The following QSOX1 variants were observed in gnomAD, a reference collection of about 807,000 sequenced individuals.
QSOX1 encodes quiescin sulfhydryl oxidase 1, also known as sulfhydryl oxidase 1.
QSOX1 carries 40 observed loss-of-function variants against 76.1 expected under a neutral mutation model. The ratio of observed to expected loss-of-function variants is 0.53; its 90% CI spans 0.41 to 0.68. The LOEUF (loss-of-function observed/expected upper bound fraction) is 0.68, where lower values mean the gene tolerates loss of function less well. QSOX1 is among the 30% of genes least tolerant of loss of function. The pLI is 0.00. For missense variants in QSOX1, 931 were observed against 974.3 expected, an observed-to-expected ratio of 0.96 and a Z score of 0.59; for synonymous variants, 392 against 413.1, an observed-to-expected ratio of 0.95 and a Z score of 0.62.
In QSOX1 at chr1:180,197,233, A is replaced by G; in HGVS notation, c.*196A>G. 1 of 1,589,314 alleles carries G rather than the reference A, an allele frequency of 6.3e-7. No homozygotes were observed. The highest frequency in any genetic ancestry group is 8.6e-7 in the Non-Finnish European group (1 of 1,169,520). The stretch of plus-strand genomic sequence containing the variant: ...CTCCTTTGACACAAAAGACAGGAGC[A>G]GGGTCCAGGTTCCCCTGCTGTGCAG... On this transcript the variant is annotated 3_prime_UTR_variant, in exon 12 of 12. Transcript: ENST00000367602.
chr1:180,155,375 C>T (rs1031463671), intron 1 of QSOX1, among the ~76,000 whole-genome samples: 1 of 152,152 alleles, frequency 6.6e-6, no homozygotes, highest in Admixed American at 6.5e-5. Context: ...TTCCTCTTGG[C>T]CCTCATCCCG....
rs1663672543 is a variant in QSOX1, at chr1:180,203,329, A to T, written c.*6292A>T. ...GAAAAATACACACTGAACTGTGAAT[A>T]GCAGTTATATTTAGAAAGCAACATT... is the stretch of plus-strand genomic sequence containing the variant. On this transcript the variant is annotated 3_prime_UTR_variant, in exon 12 of 12. Transcript: ENST00000367602. The T allele has an allele frequency of 6.6e-6, 1 of 152,208 alleles. No individual in the cohort carries two copies. Among genetic ancestry groups the T allele is most frequent in the South Asian group, 2.1e-4 (1 of 4,832 alleles). 9.4% of individuals were successfully genotyped at this position (152,208 alleles called of 1,614,324 possible).
rs752783056 is a variant in QSOX1, at chr1:180,194,292, C to T, written c.1368C>T (p.Phe456=). The T allele has an allele frequency of 3.0e-5, 48 of 1,612,640 alleles. No homozygotes were observed. The highest frequency in any genetic ancestry group is 1.6e-4 in the Middle Eastern group (1 of 6,072). ...FFGCRDCASH[F]EQMAAASMHR... is the part of the protein sequence containing the mutation. Reference sequence around the variant, plus strand: ...GCTGCCGAGACTGCGCTAGCCACTTCGAGCAGATGGCTGCTGCCTCCATGC... The same window carrying T: ...GCTGCCGAGACTGCGCTAGCCACTTTGAGCAGATGGCTGCTGCCTCCATGC... Residue 456 remains phenylalanine (F), a synonymous_variant, in exon 11 of 12, where the codon TTC becomes TTT. Transcript: ENST00000367602.
intron 1 of QSOX1, among the ~76,000 whole-genome samples, chr1:180,163,872 T>G (rs1332515269): frequency 6.6e-6 from 1 of 152,142 alleles, no homozygotes; most frequent in Non-Finnish European, 1.5e-5. Flanking sequence ...TGGAGCACAT[T>G]AGAACCTCAC....
Position 180,181,334 on chromosome 1 carries a change from C to G in QSOX1, c.607-840C>G, listed in dbSNP as rs867743684. Among the ~76,000 whole-genome samples the G allele has an allele frequency of 3.9e-5, 6 of 152,142 alleles. No individual in the cohort carries two copies. In the East Asian group the frequency reaches 5.8e-4, roughly 15 times the overall value. Reference sequence around the variant, plus strand: ...GCCTGCCATTTGCAGATGGCCTGTCCGATTATGCTCAGAACTTCTCTTCCC... The same window carrying G: ...GCCTGCCATTTGCAGATGGCCTGTCGGATTATGCTCAGAACTTCTCTTCCC... On this transcript the variant is annotated intron_variant, in intron 5 of 11. Transcript: ENST00000367602.
At chr1:180,174,825 G>A (rs1487570367) in intron 2 of QSOX1, among the ~76,000 whole-genome samples, 2 of 152,030 alleles carry the variant, frequency 1.3e-5, no homozygotes, top group South Asian at 2.1e-4. Context: ...CCAGCTCCTA[G>A]AGCAACCTCC....
intron 1 of QSOX1, among the ~76,000 whole-genome samples, chr1:180,164,722 G>A (rs915938414): frequency 5.9e-5 from 9 of 152,204 alleles, no homozygotes; most frequent in Non-Finnish European, 1.0e-4. Context: ...CTTCTGAGAC[G>A]TCGTAAGGAG....
Position 180,196,151 on chromosome 1 carries a change from G to A in QSOX1, c.1469-111G>A. The A allele has an allele frequency of 7.4e-7, 1 of 1,344,494 alleles. No homozygotes were observed. Among genetic ancestry groups the A allele is most frequent in the East Asian group, 2.3e-5 (1 of 42,768 alleles). 83.3% of individuals were successfully genotyped at this position (1,344,494 alleles called of 1,614,324 possible). ...ATTACCCATCCTCTGGAAGGGCAGT[G>A]GCGAGCCCTTTCTGCAGACAAGGAA... On this transcript the variant is annotated intron_variant, in intron 11 of 11. Transcript: ENST00000367602. The surrounding 1 kb of genome is among the most constrained non-coding windows in gnomAD (Gnocchi z 4.1).
intron 4 of QSOX1, 87 bp downstream of exon 4, chr1:180,176,120 G>C (rs887142754): frequency 9.1e-7 from 1 of 1,096,444 alleles, no homozygotes; most frequent in African/African-American, 1.6e-5. Flanking sequence ...GCAGGGCGGG[G>C]ACCCCAGTTT....
At chr1:180,179,876 G>C (rs1413634643) in intron 5 of QSOX1, among the ~76,000 whole-genome samples, 2 of 152,272 alleles carry the variant, frequency 1.3e-5, no homozygotes, top group Non-Finnish European at 2.9e-5. Context: ...GGCTTAAGGA[G>C]TGCCTGACCC....
Position 180,170,416 on chromosome 1 carries a change from C to T in QSOX1, c.366+3825C>T, listed in dbSNP as rs3767188. On this transcript the variant is annotated intron_variant, in intron 2 of 11. Transcript: ENST00000367602. Reference sequence around the variant, plus strand: ...GGAGGCTGGACCATTTTCCTTAAAACGTTATAAAAGCTGGAATTGAATGCC... The same window carrying T: ...GGAGGCTGGACCATTTTCCTTAAAATGTTATAAAAGCTGGAATTGAATGCC... 0.023 allele frequency among the ~76,000 whole-genome samples: 3,456 copies of T among 152,168 alleles called. 189 individuals carry two copies. In the East Asian group the frequency reaches 0.23, roughly 10 times the overall value.
intron 5 of QSOX1, among the ~76,000 whole-genome samples, chr1:180,180,255 G>C (rs910804919): frequency 1.3e-5 from 2 of 152,254 alleles, no homozygotes; most frequent in Admixed American, 1.3e-4. Context: ...TTGTTGCCCA[G>C]GCTGGAGTGC....
intron 11 of QSOX1, among the ~76,000 whole-genome samples, chr1:180,194,651 G>T (rs1180696139): frequency 6.6e-6 from 1 of 152,144 alleles, no homozygotes; most frequent in African/African-American, 2.4e-5. Flanking sequence ...AGCCTACTGG[G>T]GTCCCTCTCC....
rs1034865041 is a variant in QSOX1, at chr1:180,194,166, G to A, written c.1289-47G>A. 10 of 1,550,654 alleles carry A rather than the reference G, an allele frequency of 6.4e-6. No homozygotes were observed. In the African/African-American group the frequency reaches 1.4e-4, roughly 21 times the overall value. On this transcript the variant is annotated intron_variant, in intron 10 of 11. Coordinates refer to ENST00000367602, the MANE Select transcript of QSOX1 (RefSeq NM_002826.5). Reference sequence around the variant, plus strand: ...GGCCTGGGGAGGCAACGGCTGTGGGGCTGGCAGCCTGAAGGGCTGGTGCGT... The same window carrying A: ...GGCCTGGGGAGGCAACGGCTGTGGGACTGGCAGCCTGAAGGGCTGGTGCGT...
rs1279553413 is a variant in QSOX1, at chr1:180,197,271, CG to C, written c.*237del. The C allele has an allele frequency of 1.2e-6, 2 of 1,612,394 alleles. No individual in the cohort carries two copies. Among genetic ancestry groups the C allele is most frequent in the Non-Finnish European group, 1.7e-6 (2 of 1,179,632 alleles). ...CCCTGCTGTGCAGGGAGGGCAGCCC[CG>C]GGCAGTGGGCATAGGGCAGCTCAGT... On this transcript the variant is annotated 3_prime_UTR_variant, in exon 12 of 12. Coordinates refer to ENST00000367602, the MANE Select transcript of QSOX1 (RefSeq NM_002826.5).
rs528785411 is a variant in QSOX1 at position 180,167,689 on chromosome 1, C to T, written c.366+1098C>T. On this transcript the variant is annotated intron_variant, in intron 2 of 11. Transcript: ENST00000367602. ...ACTGTTACCACATAGGGTCAGGGCC[C>T]CCCAGGCCCCAGGTTTAGCTGAGAC... Among the ~76,000 whole-genome samples the T allele has an allele frequency of 2.6e-5, 4 of 152,340 alleles. No individual in the cohort carries two copies. In the South Asian group the frequency reaches 8.3e-4, roughly 32 times the overall value.
In QSOX1 at chr1:180,201,813, G is replaced by C. The variant is rs758986155; in HGVS notation, c.*4776G>C. ...AGCACAGTCTTCTCCATAGAGAGGG[G>C]CTGGGCCATGGGACCCCAGTTCCTG... is the stretch of plus-strand genomic sequence containing the variant. On this transcript the variant is annotated 3_prime_UTR_variant, in exon 12 of 12. Coordinates refer to ENST00000367602, the MANE Select transcript of QSOX1 (RefSeq NM_002826.5). The C allele has an allele frequency of 1.3e-5, 2 of 152,252 alleles. No individual in the cohort carries two copies. Among genetic ancestry groups the C allele is most frequent in the African/African-American group, 2.4e-5 (1 of 41,438 alleles). The allele number at this position is 152,252 out of a possible 1,614,324, so 9.4% of individuals were successfully genotyped here. A position where few individuals can be genotyped will look rare whatever the true frequency, so the allele number is the denominator to read the frequency against.
intron 6 of QSOX1, 135 bp downstream of exon 6, chr1:180,182,454 T>C: frequency 2.4e-6 from 3 of 1,240,736 alleles, no homozygotes; most frequent in Non-Finnish European, 2.3e-6. Flanking sequence ...GAAGCTGCAG[T>C]CTGCTGTCTG....
Position 180,182,215 on chromosome 1 carries a change from C to T in QSOX1, c.648C>T (p.Arg216=), listed in dbSNP as rs749344393. The stretch of plus-strand genomic sequence containing the variant: ...CCCAGCACAAAGGCGTGGCGGTGCG[C>T]AGGGTGCTGAACACAGAGGCCAATG... ...DLSQHKGVAV[R]RVLNTEANVV... Residue 216 remains arginine, a synonymous_variant, in exon 6 of 12, where the codon CGC becomes CGT. Coordinates refer to ENST00000367602, the MANE Select transcript of QSOX1 (RefSeq NM_002826.5). The T allele has an allele frequency of 1.2e-6, 2 of 1,614,228 alleles. No individual in the cohort carries two copies. The highest frequency in any genetic ancestry group is 1.7e-6 in the Non-Finnish European group (2 of 1,180,044).
Sources: allele counts gnomAD v4.1 joint callset (sites outside exome capture counted in the v4.1 genomes callset), GRCh38; gene constraint gnomAD v4.1.1; non-coding constraint Gnocchi (gnomAD v3.1); transcripts MANE v1.5; gene names NCBI Gene and HGNC (gene_info 2026-07-23, HGNC 2026-07-21).